UNC80: variants seen among roughly 807,000 people sequenced by gnomAD.
UNC80 encodes unc-80 subunit of NALCN channel complex.
UNC80 carries 164 observed loss-of-function variants against 384.6 expected under a neutral mutation model. That is an observed-to-expected ratio of 0.43 (90% CI 0.38 to 0.49). The LOEUF is 0.49. Among genes scored for constraint, UNC80 ranks in the 20% least tolerant of loss-of-function variants. UNC80 has a pLI of 0.00. For synonymous variants in UNC80, 1,486 were observed against 1,527.8 expected, an observed-to-expected ratio of 0.97 and a Z score of 0.64; for missense variants, 3,330 against 4,143.0, an observed-to-expected ratio of 0.80 and a Z score of 5.39.
chr2:209,943,708 C>G (rs748775162), intron 45 of UNC80, among the ~76,000 whole-genome samples, 194 bp downstream of exon 45: 2 of 152,156 alleles, frequency 1.3e-5, no homozygotes, highest in Non-Finnish European at 2.9e-5. Context: ...CTGATTGGAG[C>G]TATTGGCCTG....
intron 61 of UNC80, among the ~76,000 whole-genome samples, chr2:209,985,359 T>C (rs16844030): frequency 0.018 from 2,815 of 152,276 alleles, 102 homozygotes; most frequent in African/African-American, 0.065. Flanking sequence ...TGTAAGAAAA[T>C]AGACAATGAT....
chr2:209,994,276 A>C lies in UNC80; in HGVS notation c.9708+12A>C, dbSNP rs557853144. ...TGTCTCCCAAGCAGGTGAGGGCACTAGAGAAACAGGCAAGGCTTGCTCCCT... is the reference window on the plus strand; with the variant it reads ...TGTCTCCCAAGCAGGTGAGGGCACTCGAGAAACAGGCAAGGCTTGCTCCCT... On this transcript the variant is annotated intron_variant, in intron 64 of 64. Transcript: ENST00000673920. 6.5e-7 allele frequency: 1 copy of C among 1,543,642 alleles called. No individual in the cohort carries two copies. Among genetic ancestry groups the C allele is most frequent in the African/African-American group, 1.4e-5 (1 of 72,864 alleles).
intron 7 of UNC80, among the ~76,000 whole-genome samples, chr2:209,802,713 C>T (rs890494912): frequency 2.0e-5 from 3 of 151,768 alleles, no homozygotes; most frequent in African/African-American, 7.3e-5. Flanking sequence ...TATTATCTTT[C>T]GATTTTAGGG....
rs553479378 is a variant in UNC80, at chr2:209,937,959, A to G, written c.6465+329A>G. 3.9e-5 allele frequency among the ~76,000 whole-genome samples: 6 copies of G among 152,304 alleles called. 1 individual carries two copies. The highest frequency in any genetic ancestry group is 1.2e-4 in the African/African-American group (5 of 41,566). ...CTGTAAAATTGGATTGGAAATACACATAATGTAGCTATGTAAATTATCCCA... is the reference window on the plus strand; with the variant it reads ...CTGTAAAATTGGATTGGAAATACACGTAATGTAGCTATGTAAATTATCCCA... On this transcript the variant is annotated intron_variant, in intron 42 of 64. Transcript: ENST00000673920.
intron 22 of UNC80, among the ~76,000 whole-genome samples, chr2:209,859,216 G>A (rs1007895430): frequency 1.3e-5 from 2 of 152,120 alleles, no homozygotes; most frequent in African/African-American, 4.8e-5. Context: ...GCCCTGGTGT[G>A]TGCTGCTTAC....
chr2:209,880,964 C>G lies in UNC80; in HGVS notation c.3980C>G (p.Thr1327Ser). ...AAAGAACACTTTCATTTCCTAGGTA[C>G]TGTGAACCCCTCTAAATGCGGTTGC... ...DEEEDFLDDS[T>S]VNPSKCGCPF... Residue 1327 changes from threonine (T) to serine (S), a missense_variant, in exon 25 of 65, where the codon ACT (threonine) becomes AGT (serine). Thr to Ser is a moderately conservative substitution (Grantham distance 58). Coordinates refer to ENST00000673920, the MANE Select transcript of UNC80 (RefSeq NM_001371986.1). 1 of 1,551,970 alleles carries G rather than the reference C, an allele frequency of 6.4e-7. No individual in the cohort carries two copies. The highest frequency in any genetic ancestry group is 8.7e-7 in the Non-Finnish European group (1 of 1,147,010).
intron 28 of UNC80, among the ~76,000 whole-genome samples, chr2:209,901,874 A>G (rs947370934): frequency 6.6e-6 from 1 of 151,918 alleles, no homozygotes; most frequent in African/African-American, 2.4e-5. Context: ...GCTTGCAGTG[A>G]GCCGAGATCG....
At chr2:209,972,912 A>T (rs922113699) in intron 55 of UNC80, among the ~76,000 whole-genome samples, 152 bp from the exon 56 acceptor site, 1 of 151,736 alleles carries the variant, frequency 6.6e-6, no homozygotes, top group Non-Finnish European at 1.5e-5. Context: ...GTTTCTGTCC[A>T]TTGGTGAAGC....
chr2:209,815,489 G>A (rs899967991), intron 9 of UNC80, 98 bp downstream of exon 9: 5 of 1,341,446 alleles, frequency 3.7e-6, no homozygotes, highest in Non-Finnish European at 5.0e-6. Context: ...GGGGTGAGGT[G>A]GGAAAGGGAA....
intron 29 of UNC80, among the ~76,000 whole-genome samples, chr2:209,910,647 ATCT>A (rs2088814896): frequency 7.9e-6 from 1 of 127,382 alleles, no homozygotes. Flanking sequence ...ATAAATGCTC[ATCT>A]TTTTTTTTTT....
At position 209,817,926 on chromosome 2, in the gene UNC80, G is replaced by A. The variant is rs1277062604; in HGVS notation, c.1667G>A (p.Ser556Asn). 6.4e-6 allele frequency: 10 copies of A among 1,551,628 alleles called. No homozygotes were observed. The South Asian group carries it at 1.1e-4, about 17-fold the overall frequency. Residue 556 changes from serine to asparagine, a missense_variant, in exon 11 of 65, where the codon AGC (serine) becomes AAC (asparagine). Around this residue, in one of 8 missense-constraint regions of UNC80, gnomAD observed 937 missense variants for 1,026.8 expected, o/e 0.91. Coordinates refer to ENST00000673920, the MANE Select transcript of UNC80 (RefSeq NM_001371986.1). Reference sequence around the variant, plus strand: ...AGCGACCTGCCGGACCCCTCCAACAGCCATGGAGAAAACACCGTCAAGGAA... The same window carrying A: ...AGCGACCTGCCGGACCCCTCCAACAACCATGGAGAAAACACCGTCAAGGAA... Reference protein sequence around the residue: ...LVSDLPDPSNSHGENTVKEVR... With the variant: ...LVSDLPDPSNNHGENTVKEVR...
intron 21 of UNC80, among the ~76,000 whole-genome samples, chr2:209,848,719 A>G (rs1299313495): frequency 6.6e-6 from 1 of 152,148 alleles, no homozygotes; most frequent in African/African-American, 2.4e-5. Flanking sequence ...TGGTGGTAAT[A>G]AAGTCTAAAT....
intron 45 of UNC80, among the ~76,000 whole-genome samples, chr2:209,943,793 T>C (rs974104472): frequency 6.6e-6 from 1 of 152,204 alleles, no homozygotes; most frequent in African/African-American, 2.4e-5. Flanking sequence ...GGGCTTTCTC[T>C]GGTTGGTCCT....
intron 6 of UNC80, among the ~76,000 whole-genome samples, chr2:209,792,636 C>T (rs910720340): frequency 2.6e-5 from 4 of 152,114 alleles, no homozygotes; most frequent in South Asian, 2.1e-4. Flanking sequence ...CATGAGCCAC[C>T]GCGCCCGGTT....
chr2:209,910,416 A>G (rs1053363108), intron 29 of UNC80, among the ~76,000 whole-genome samples: 1 of 151,928 alleles, frequency 6.6e-6, no homozygotes, highest in African/African-American at 2.4e-5. Context: ...TCTCTGTGAT[A>G]TCTATCTTCT....
chr2:209,846,838 C>G (rs1021584574), intron 21 of UNC80, among the ~76,000 whole-genome samples: 1 of 151,918 alleles, frequency 6.6e-6, no homozygotes, highest in African/African-American at 2.4e-5. Flanking sequence ...TTTGACATTT[C>G]TTTTAGTAGT....
chr2:209,878,555 G>A (rs921295859), intron 24 of UNC80, among the ~76,000 whole-genome samples: 1 of 152,044 alleles, frequency 6.6e-6, no homozygotes, highest in African/African-American at 2.4e-5. Context: ...GTATATTATA[G>A]TATTTAACAT....
intron 41 of UNC80, 71 bp from the exon 42 acceptor site, chr2:209,937,458 T>A: frequency 8.3e-7 from 1 of 1,199,054 alleles, no homozygotes. Context: ...GATCTTTGGG[T>A]AAAGAAGAAA....
intron 39 of UNC80, among the ~76,000 whole-genome samples, chr2:209,934,404 A>G (rs998743037): frequency 3.3e-5 from 5 of 152,220 alleles, no homozygotes; most frequent in Admixed American, 2.6e-4. Flanking sequence ...GCTTTATGAA[A>G]AATTGGAAAA....
Sources: gnomAD v4.1 joint callset for allele counts (sites outside exome capture counted in the v4.1 genomes callset) on GRCh38, gnomAD v4.1.1 for gene constraint, gnomAD v4.1.1 regional missense constraint, MANE v1.5 for transcripts, NCBI Gene and HGNC (gene_info 2026-07-23, HGNC 2026-07-21) for gene names.